The following NR2C2 variants were observed in gnomAD, a reference collection of about 807,000 sequenced individuals.
NR2C2 encodes Nuclear hormone receptor TR4.
Under a neutral mutation model 62.9 loss-of-function variants are expected in NR2C2, and 6 were observed. That is an observed-to-expected ratio of 0.10 (90% CI 0.05 to 0.19). The LOEUF is 0.19. Among genes scored for constraint, NR2C2 ranks in the 10% least tolerant of loss-of-function variants. The probability of loss-of-function intolerance (pLI) is 1.00; values close to 1 mark genes in which losing one functional copy is unlikely to be tolerated. For missense variants in NR2C2, 479 were observed against 762.7 expected (o/e 0.63, Z 4.38); for synonymous variants, 272 against 273.8 (o/e 0.99, Z 0.07).
intron 2 of NR2C2, among the ~76,000 whole-genome samples, chr3:15,011,285 G>GC (rs1418290678): frequency 6.6e-6 from 1 of 152,224 alleles, no homozygotes. Flanking sequence ...ACTGCGGTGA[G>GC]CCATGCTCAT....
chr3:15,028,266 C>G (rs976165980), intron 7 of NR2C2, among the ~76,000 whole-genome samples: 2 of 152,212 alleles, frequency 1.3e-5, no homozygotes, highest in South Asian at 2.1e-4. Flanking sequence ...CAAATATTTT[C>G]TCTCATTCTG....
chr3:14,958,697 G>A (rs760364061), intron 1 of NR2C2, among the ~76,000 whole-genome samples: 1 of 152,176 alleles, frequency 6.6e-6, no homozygotes, highest in Non-Finnish European at 1.5e-5. Flanking sequence ...TTCCAGATTG[G>A]TTGGGTGCTG....
At chr3:15,023,369 C>A in intron 6 of NR2C2, 22 bp downstream of exon 6, 1 of 1,613,120 alleles carries the variant, frequency 6.2e-7, no homozygotes, top group Non-Finnish European at 8.5e-7. Flanking sequence ...GTTCTCACTG[C>A]AATCAGCCTT....
chr3:15,034,285 C>T (rs2042050918), intron 10 of NR2C2: 2 of 160,350 alleles, frequency 1.2e-5, no homozygotes, highest in South Asian at 1.8e-4. Context: ...TACTCATCTC[C>T]GTCTTTTGGT....
intron 11 of NR2C2, among the ~76,000 whole-genome samples, chr3:15,036,058 C>T (rs769223066): frequency 1.5e-4 from 22 of 149,474 alleles, no homozygotes; most frequent in African/African-American, 5.0e-4. Context: ...GGCATGGTGG[C>T]GCATGCCTGT....
chr3:15,034,598 G>A, intron 10 of NR2C2, 72 bp from the exon 11 acceptor site: 1 of 1,521,246 alleles, frequency 6.6e-7, no homozygotes, highest in Non-Finnish European at 9.0e-7. Context: ...CTGGGACTTA[G>A]TGCCTGGATG....
At chr3:14,988,828 G>A (rs1028865949) in intron 1 of NR2C2, among the ~76,000 whole-genome samples, 3 of 151,926 alleles carry the variant, frequency 2.0e-5, no homozygotes, top group South Asian at 2.1e-4. Flanking sequence ...CACATATGGT[G>A]AATTTATTTC....
chr3:15,002,032 A>T (rs1206862648), intron 1 of NR2C2, among the ~76,000 whole-genome samples: 2 of 152,082 alleles, frequency 1.3e-5, no homozygotes, highest in African/African-American at 2.4e-5. Flanking sequence ...TTATTTGCAA[A>T]CAGAGATAGT....
intron 7 of NR2C2, chr3:15,026,317 CT>C (rs1056885187): frequency 6.6e-6 from 1 of 152,210 alleles, no homozygotes; most frequent in Non-Finnish European, 1.5e-5. Flanking sequence ...GCCACTACCC[CT>C]GGCTTTCTTT....
intron 6 of NR2C2, 60 bp downstream of exon 6, chr3:15,023,407 G>C (rs1347776078): frequency 6.3e-7 from 1 of 1,584,832 alleles, no homozygotes; most frequent in Non-Finnish European, 8.6e-7. Context: ...GCACAGACGT[G>C]TCCCACAGCA....
chr3:14,998,556 A>G (rs768798717), intron 1 of NR2C2, among the ~76,000 whole-genome samples: 3 of 152,176 alleles, frequency 2.0e-5, no homozygotes, highest in Admixed American at 1.3e-4. Flanking sequence ...GGCCATTTGT[A>G]TATCTTCTAG....
At position 15,043,302 on chromosome 3, in the gene NR2C2, A is replaced by G. The variant is rs1470896486; in HGVS notation, c.*294A>G. On this transcript the variant is annotated 3_prime_UTR_variant, in exon 14 of 14. Transcript: ENST00000425241. ...GGCAAAAAACAAAAAAAAAGGTTTTATAATGTCAGAGACTAGTATTAAAGA... is the reference window on the plus strand; with the variant it reads ...GGCAAAAAACAAAAAAAAAGGTTTTGTAATGTCAGAGACTAGTATTAAAGA... 1 of 216,032 alleles carries G rather than the reference A, an allele frequency of 4.6e-6. No homozygotes were observed. Among genetic ancestry groups the G allele is most frequent in the Non-Finnish European group, 9.1e-6 (1 of 109,978 alleles). The allele number at this position is 216,032 out of a possible 1,614,324, so 13.4% of individuals were successfully genotyped here.
At chr3:14,969,474 C>CT (rs2039973307) in intron 1 of NR2C2, among the ~76,000 whole-genome samples, 1 of 152,114 alleles carries the variant, frequency 6.6e-6, no homozygotes, top group African/African-American at 2.4e-5. Flanking sequence ...AACTCCTGAC[C>CT]TTGTGATTCA....
rs546821221 is a variant in NR2C2, at chr3:14,961,971, C to G, written c.-40+14065C>G. ...CAGGGTTTTGCTTCTCACTTTGCCA[C>G]TAGCAAAAGAAGTATGGTTAATGAT... is the stretch of plus-strand genomic sequence containing the variant. On this transcript the variant is annotated intron_variant, in intron 1 of 13. Transcript: ENST00000425241. 6.6e-5 allele frequency among the ~76,000 whole-genome samples: 10 copies of G among 152,282 alleles called. No homozygotes were observed. The South Asian group carries it at 2.1e-3, about 32-fold the overall frequency.
At chr3:14,975,284 G>T (rs1047051032) in intron 1 of NR2C2, among the ~76,000 whole-genome samples, 3 of 152,106 alleles carry the variant, frequency 2.0e-5, no homozygotes, top group African/African-American at 7.2e-5. Flanking sequence ...TTCTTGTCTT[G>T]TTCCTTATCT....
chr3:15,036,236 C>T (rs983398729), intron 11 of NR2C2, among the ~76,000 whole-genome samples: 17 of 151,924 alleles, frequency 1.1e-4, no homozygotes, highest in Admixed American at 3.3e-4. Context: ...ACCATGCTGA[C>T]CCCCTAGTCC....
intron 1 of NR2C2, among the ~76,000 whole-genome samples, chr3:14,990,927 G>A (rs941253244): frequency 2.6e-5 from 4 of 152,196 alleles, no homozygotes; most frequent in Non-Finnish European, 5.9e-5. Flanking sequence ...ATTTGAATAT[G>A]CTGGCTAAAT....
At chr3:14,978,254 A>G (rs1217684837) in intron 1 of NR2C2, among the ~76,000 whole-genome samples, 1 of 152,130 alleles carries the variant, frequency 6.6e-6, no homozygotes, top group Non-Finnish European at 1.5e-5. Flanking sequence ...TAGCTTGAAA[A>G]TCTGTTGAAT....
chr3:15,001,725 T>C (rs2041009371), intron 1 of NR2C2, among the ~76,000 whole-genome samples: 1 of 152,146 alleles, frequency 6.6e-6, no homozygotes, highest in Admixed American at 6.5e-5. Context: ...CAAGCAATCC[T>C]CCCACCTTAA....
Sources: allele counts gnomAD v4.1 joint callset (sites outside exome capture counted in the v4.1 genomes callset), GRCh38; gene constraint gnomAD v4.1.1; transcripts MANE v1.5; gene names NCBI Gene and HGNC (gene_info 2026-07-23, HGNC 2026-07-21).